Variants in RAB38 observed in about 807,000 individuals in gnomAD.
RAB38 encodes RAB38, member RAS oncogene family.
RAB38 carries 15 observed loss-of-function variants against 18.4 expected under a neutral mutation model. The observed-to-expected ratio is 0.82, with a 90% CI of 0.55 to 1.26. The LOEUF is 1.26. Ranked by LOEUF, RAB38 falls within the 50% of genes most tolerant of loss-of-function variation. RAB38 has a pLI of 0.00. For missense variants in RAB38, 294 were observed against 267.4 expected (o/e 1.10, Z -0.69); for synonymous variants, 101 against 104.4 (o/e 0.97, Z 0.20).
chr11:88,121,976 A>G (rs1942637056), intron 2 of RAB38, among the ~76,000 whole-genome samples: 1 of 152,248 alleles, frequency 6.6e-6, no homozygotes, highest in South Asian at 2.1e-4. Flanking sequence ...GTTACGAACA[A>G]ACAGTCCACA....
chr11:87,891,260 C>T, the RAB38 span, among the ~76,000 whole-genome samples: 372 of 151,746 alleles, frequency 2.5e-3, 1 homozygote, highest in Non-Finnish European at 4.4e-3. Flanking sequence ...GAACAGACAC[C>T]CTAAAGAATG....
the RAB38 span, among the ~76,000 whole-genome samples, chr11:87,899,199 G>C: frequency 6.6e-6 from 1 of 151,534 alleles, no homozygotes; most frequent in Non-Finnish European, 1.5e-5. Context: ...TACTGCACCG[G>C]GTGCAAAGAC....
intron 2 of RAB38, among the ~76,000 whole-genome samples, chr11:88,149,396 T>G (rs1171775545): frequency 1.3e-5 from 2 of 152,212 alleles, no homozygotes; most frequent in African/African-American, 4.8e-5. Flanking sequence ...TATGCCTGGC[T>G]CATAGTAAGA....
chr11:88,023,371 AC>A, the RAB38 span, among the ~76,000 whole-genome samples: 1 of 151,584 alleles, frequency 6.6e-6, no homozygotes, highest in African/African-American at 2.4e-5. Flanking sequence ...CAAAAAAAAA[AC>A]CTACAAAACA....
At chr11:87,910,024 A>T in the RAB38 span, among the ~76,000 whole-genome samples, 20 of 152,114 alleles carry the variant, frequency 1.3e-4, no homozygotes, top group Non-Finnish European at 5.9e-5. Flanking sequence ...TGTTTCTGCC[A>T]GTAATATATA....
intron 1 of RAB38, among the ~76,000 whole-genome samples, chr11:88,165,375 T>G (rs1172606747): frequency 6.6e-6 from 1 of 152,116 alleles, no homozygotes; most frequent in Admixed American, 6.6e-5. Flanking sequence ...ATCTCTATAG[T>G]AGGGTTAATA....
the RAB38 span, among the ~76,000 whole-genome samples, chr11:88,102,140 C>T: frequency 3.9e-5 from 6 of 151,982 alleles, no homozygotes; most frequent in African/African-American, 1.2e-4. Flanking sequence ...TATGACTCTA[C>T]TATTAACATA....
chr11:88,012,273 G>A, the RAB38 span, among the ~76,000 whole-genome samples: 2 of 152,242 alleles, frequency 1.3e-5, no homozygotes, highest in African/African-American at 2.4e-5. Flanking sequence ...CAGAGTCACT[G>A]TACTGTTCAG....
At chr11:87,909,364 A>G in the RAB38 span, among the ~76,000 whole-genome samples, 4 of 151,994 alleles carry the variant, frequency 2.6e-5, no homozygotes, top group Non-Finnish European at 5.9e-5. Context: ...AGGAGTTAAG[A>G]AGGGCATTCC....
downstream of RAB38, among the ~76,000 whole-genome samples, chr11:88,112,567 C>T (rs1197257363): frequency 6.6e-6 from 1 of 152,044 alleles, no homozygotes; most frequent in East Asian, 1.9e-4. Flanking sequence ...AAAGTCAAGA[C>T]CCTTACAGGA....
chr11:88,015,353 G>A, the RAB38 span, among the ~76,000 whole-genome samples: 1 of 152,112 alleles, frequency 6.6e-6, no homozygotes, highest in Non-Finnish European at 1.5e-5. Flanking sequence ...GTAGTGTGGA[G>A]TCAGATTGTT....
chr11:87,811,884 G>GA, the RAB38 span, among the ~76,000 whole-genome samples: 1 of 152,184 alleles, frequency 6.6e-6, no homozygotes, highest in Admixed American at 6.5e-5. Context: ...AAATTGGGGA[G>GA]AAAATGAAAT....
chr11:87,864,264 C>T, the RAB38 span, among the ~76,000 whole-genome samples: 2 of 151,410 alleles, frequency 1.3e-5, no homozygotes, highest in African/African-American at 4.8e-5. Context: ...GGTGAAATCA[C>T]AATGCTCATA....
At chr11:87,915,015 C>G in the RAB38 span, among the ~76,000 whole-genome samples, 2 of 152,128 alleles carry the variant, frequency 1.3e-5, no homozygotes, top group Non-Finnish European at 2.9e-5. Flanking sequence ...AGGCCAAAAC[C>G]TGCCTGAGGG....
intron 2 of RAB38, among the ~76,000 whole-genome samples, chr11:88,138,378 G>C (rs1278597169): frequency 6.6e-6 from 1 of 152,076 alleles, no homozygotes. Context: ...CAAAAGCAGT[G>C]ATAGAATTTT....
At chr11:87,810,804 GA>G in the RAB38 span, among the ~76,000 whole-genome samples, 124,878 of 146,848 alleles carry the variant, frequency 0.85, 53,326 homozygotes, top group East Asian at 0.95. Context: ...TGAATAGAAG[GA>G]AAAAAAAAAA....
chr11:88,067,983 T>TTATA, the RAB38 span, among the ~76,000 whole-genome samples: 1,180 of 146,756 alleles, frequency 8.0e-3, 11 homozygotes, highest in African/African-American at 0.028. Flanking sequence ...ATATATATAC[T>TTATA]TATATATATA....
At chr11:87,890,734 G>T in the RAB38 span, among the ~76,000 whole-genome samples, 2 of 151,676 alleles carry the variant, frequency 1.3e-5, no homozygotes, top group South Asian at 4.1e-4. Context: ...AGTTTCTCTT[G>T]TACTAATTCT....
the RAB38 span, among the ~76,000 whole-genome samples, chr11:88,089,264 G>C: frequency 1.3e-5 from 2 of 151,838 alleles, no homozygotes; most frequent in Non-Finnish European, 2.9e-5. Context: ...GCTTAAAGCA[G>C]CCATTAGTAA....
Sources: gnomAD v4.1 joint callset for allele counts (sites outside exome capture counted in the v4.1 genomes callset) on GRCh38, gnomAD v4.1.1 for gene constraint, MANE v1.5 for transcripts, NCBI Gene and HGNC (gene_info 2026-07-23, HGNC 2026-07-21) for gene names.